The following ENTREP2 variants were observed in gnomAD, a reference collection of about 807,000 sequenced individuals.
ENTREP2 encodes the protein protein ENTREP2.
At chr15:29,126,195 G>A in the ENTREP2 span, 20 of 1,226,214 alleles carry the variant, frequency 1.6e-5, no homozygotes, top group Non-Finnish European at 2.1e-5. Flanking sequence ...ACTCTCAGGG[G>A]TCACTGAGAC....
At chr15:29,515,861 T>A in the ENTREP2 span, among the ~76,000 whole-genome samples, 4 of 152,090 alleles carry the variant, frequency 2.6e-5, no homozygotes, top group East Asian at 7.7e-4. Context: ...AACCAAACTC[T>A]CTGCAGTGGT....
At chr15:29,423,754 C>T in the ENTREP2 span, among the ~76,000 whole-genome samples, 1 of 152,158 alleles carries the variant, frequency 6.6e-6, no homozygotes, top group South Asian at 2.1e-4. Flanking sequence ...GCAGATATCG[C>T]GCCACTGCAC....
chr15:29,348,676 G>A, the ENTREP2 span, among the ~76,000 whole-genome samples: 1 of 151,806 alleles, frequency 6.6e-6, no homozygotes, highest in East Asian at 1.9e-4. Context: ...AATGTGACCC[G>A]CGATTTGGCA....
chr15:29,476,820 G>A, the ENTREP2 span, among the ~76,000 whole-genome samples: 1 of 152,162 alleles, frequency 6.6e-6, no homozygotes, highest in Non-Finnish European at 1.5e-5. Context: ...CTGCTGGCGG[G>A]AGCAGACAGC....
At chr15:29,527,063 A>T in the ENTREP2 span, among the ~76,000 whole-genome samples, 3 of 151,680 alleles carry the variant, frequency 2.0e-5, no homozygotes, top group Non-Finnish European at 4.4e-5. Context: ...TTGAAACCAC[A>T]CCCTCCTGCT....
chr15:29,484,216 TA>T, the ENTREP2 span, among the ~76,000 whole-genome samples: 1 of 152,300 alleles, frequency 6.6e-6, no homozygotes, highest in Non-Finnish European at 1.5e-5. Context: ...AATGTTCAAT[TA>T]AAACAGAAAG....
At chr15:29,215,507 C>T in the ENTREP2 span, among the ~76,000 whole-genome samples, 1 of 151,770 alleles carries the variant, frequency 6.6e-6, no homozygotes, top group Non-Finnish European at 1.5e-5. Flanking sequence ...TCTCCTTGCT[C>T]CTCAGCCTGC....
chr15:29,152,287 C>G, the ENTREP2 span, among the ~76,000 whole-genome samples: 1 of 152,130 alleles, frequency 6.6e-6, no homozygotes, highest in African/African-American at 2.4e-5. Flanking sequence ...TTAATGGTAA[C>G]ATTTGGCAAA....
chr15:29,505,154 C>G, the ENTREP2 span, among the ~76,000 whole-genome samples: 1 of 152,266 alleles, frequency 6.6e-6, no homozygotes, highest in East Asian at 1.9e-4. This position sits in a 1 kb window ranked among gnomAD's most constrained non-coding sequence, Gnocchi z 4.3. Context: ...TCCCCCTGGG[C>G]AGAGCCCACC....
chr15:29,541,980 C>G, the ENTREP2 span, among the ~76,000 whole-genome samples: 8 of 152,110 alleles, frequency 5.3e-5, no homozygotes, highest in Non-Finnish European at 1.2e-4. Flanking sequence ...AGGGTTTACT[C>G]TATTTTTTGG....
the ENTREP2 span, among the ~76,000 whole-genome samples, chr15:29,214,788 T>C: frequency 2.6e-5 from 4 of 152,208 alleles, no homozygotes; most frequent in African/African-American, 9.6e-5. Context: ...TCCAGTTTTA[T>C]TGTACTGTGG....
the ENTREP2 span, among the ~76,000 whole-genome samples, chr15:29,626,365 A>G: frequency 6.6e-6 from 1 of 152,294 alleles, no homozygotes; most frequent in South Asian, 2.1e-4. Flanking sequence ...GGTAGTGAAT[A>G]AGTCTCATGA....
At chr15:29,582,313 A>T in the ENTREP2 span, among the ~76,000 whole-genome samples, 1 of 152,232 alleles carries the variant, frequency 6.6e-6, no homozygotes, top group African/African-American at 2.4e-5. Flanking sequence ...CAATGTATTC[A>T]AAATGAATCA....
At chr15:29,586,891 A>T in the ENTREP2 span, among the ~76,000 whole-genome samples, 52 of 152,242 alleles carry the variant, frequency 3.4e-4, no homozygotes, top group African/African-American at 1.2e-3. Flanking sequence ...AACTACTTGC[A>T]GTAATCAATT....
chr15:29,186,546 A>T, the ENTREP2 span, among the ~76,000 whole-genome samples: 1 of 152,160 alleles, frequency 6.6e-6, no homozygotes, highest in African/African-American at 2.4e-5. Context: ...ATTGCATTAG[A>T]CCTTAAAAAT....
chr15:29,423,516 G>A, the ENTREP2 span, among the ~76,000 whole-genome samples: 221 of 152,118 alleles, frequency 1.5e-3, no homozygotes, highest in Non-Finnish European at 1.5e-3. Flanking sequence ...GGGCCGGCGC[G>A]GTGGCTCACG....
At chr15:29,170,124 G>A in the ENTREP2 span, among the ~76,000 whole-genome samples, 202 of 151,954 alleles carry the variant, frequency 1.3e-3, 1 homozygote, top group African/African-American at 4.7e-3. Context: ...TGGCTAACAT[G>A]GTGAAACCCC....
chr15:29,383,424 G>A, the ENTREP2 span, among the ~76,000 whole-genome samples: 4 of 152,176 alleles, frequency 2.6e-5, no homozygotes, highest in African/African-American at 9.7e-5. Context: ...GGAGGAACAG[G>A]AGGCTAAGGC....
the ENTREP2 span, among the ~76,000 whole-genome samples, chr15:29,448,324 C>A: frequency 6.6e-6 from 1 of 152,286 alleles, no homozygotes; most frequent in East Asian, 1.9e-4. Flanking sequence ...AGACACACCA[C>A]TGACCTTCAA....
Sources: allele counts gnomAD v4.1 joint callset (sites outside exome capture counted in the v4.1 genomes callset), GRCh38; gene constraint gnomAD v4.1.1; non-coding constraint Gnocchi (gnomAD v3.1); transcripts MANE v1.5; gene names NCBI Gene and HGNC (gene_info 2026-07-23, HGNC 2026-07-21).